The following ECE2 variants were observed in gnomAD, a reference collection of about 807,000 sequenced individuals.
ECE2 encodes the protein endothelin converting enzyme 2.
Under a neutral mutation model 100.6 loss-of-function variants are expected in ECE2, and 81 were observed. That is an observed-to-expected ratio of 0.81 (90% CI 0.67 to 0.97). ECE2 has a LOEUF of 0.97. ECE2 is among the 50% of genes least tolerant of loss of function. The pLI, the probability that ECE2 is intolerant of heterozygous loss-of-function variation, is 0.00. For synonymous variants in ECE2, 391 were observed against 391.5 expected (o/e 1.00, Z 0.02); for missense variants, 911 against 988.1 (o/e 0.92, Z 1.05).
chr3:184,290,031 A>C (rs1457429266), intron 13 of ECE2, among the ~76,000 whole-genome samples: 3 of 152,182 alleles, frequency 2.0e-5, no homozygotes, highest in South Asian at 4.1e-4. Context: ...GGGTCCTACT[A>C]GTGCCTTCCT....
rs2108434150 is a variant in ECE2, at chr3:184,291,160, A to T, written c.1955A>T (p.Glu652Val). 6.2e-7 allele frequency: 1 copy of T among 1,613,874 alleles called. No homozygotes were observed. The highest frequency in any genetic ancestry group is 2.2e-5 in the East Asian group (1 of 44,882). The stretch of plus-strand genomic sequence containing the variant: ...TACAATCAATACCAGGTCAATGGGG[A>T]GAGGCTCAACGGCCGCCAGACGCTG... Reference protein sequence around the residue: ...EQYNQYQVNGERLNGRQTLGE... With the variant: ...EQYNQYQVNGVRLNGRQTLGE... Residue 652 changes from glutamate to valine, a missense_variant, in exon 17 of 19, where the codon GAG becomes GTG. Glu to Val is a moderately radical substitution (Grantham distance 121, BLOSUM62 -2). Transcript: ENST00000404464. This position sits in a 1 kb window ranked among gnomAD's most constrained non-coding sequence, Gnocchi z 4.1.
chr3:184,288,444 T>G (rs1721166977), intron 11 of ECE2, among the ~76,000 whole-genome samples: 1 of 152,186 alleles, frequency 6.6e-6, no homozygotes, highest in Non-Finnish European at 1.5e-5. Flanking sequence ...TATGTTTAAC[T>G]ATATAACTAG....
At position 184,290,122 on chromosome 3, in the gene ECE2, A is replaced by G. The variant is rs547234035; in HGVS notation, c.1552-133A>G. The stretch of plus-strand genomic sequence containing the variant: ...CATAAATGGCCTTTAAATATTGCCA[A>G]TTATGGTTTACTAGATATTTTACAG... On this transcript the variant is annotated intron_variant, in intron 13 of 18. Coordinates refer to ENST00000404464, the MANE Select transcript of ECE2 (RefSeq NM_001100121.2). 25 of 712,912 alleles carry G rather than the reference A, an allele frequency of 3.5e-5. 1 individual carries two copies. The highest frequency in any genetic ancestry group is 3.1e-4 in the Admixed American group (11 of 35,772). 44.2% of individuals were successfully genotyped at this position (712,912 alleles called of 1,614,324 possible). A position where few individuals can be genotyped will look rare whatever the true frequency, so the allele number is the denominator to read the frequency against.
intron 4 of ECE2, 53 bp from the exon 5 acceptor site, chr3:184,277,872 C>G: frequency 6.3e-7 from 1 of 1,598,020 alleles, no homozygotes; most frequent in African/African-American, 1.3e-5. Flanking sequence ...GCCAGGGACT[C>G]CCCCTCAGCA....
Position 184,278,480 on chromosome 3 carries a change from T to C in ECE2, c.751-12T>C. ...AAAGCGAGGGGCTCACCTCCTTTCC[T>C]TGACATTGCAGGTGGACCAGTCTGG... is the stretch of plus-strand genomic sequence containing the variant. On this transcript the variant is annotated splice_polypyrimidine_tract_variant and intron_variant, in intron 6 of 18. Coordinates refer to ENST00000404464, the MANE Select transcript of ECE2 (RefSeq NM_001100121.2). 2 of 1,613,580 alleles carry C rather than the reference T, an allele frequency of 1.2e-6. No individual in the cohort carries two copies. The highest frequency in any genetic ancestry group is 1.7e-6 in the Non-Finnish European group (2 of 1,179,760).
Position 184,283,949 on chromosome 3 carries a change from C to T in ECE2, c.981C>T (p.His327=), listed in dbSNP as rs1258510651. 2 of 1,613,846 alleles carry T rather than the reference C, an allele frequency of 1.2e-6. No homozygotes were observed. The highest frequency in any genetic ancestry group is 1.3e-5 in the African/African-American group (1 of 74,876). The change falls in exon 8 of 19, where the codon CAC becomes CAT. Residue 327 remains histidine (H), a synonymous_variant. Transcript: ENST00000404464. ...GGCGCGACGAGGAGAAGATCTACCA[C>T]AAGATGAGCATTTCGGAGCTGCAGG... ...DQRRDEEKIY[H]KMSISELQAL...
rs200668112 is a variant in ECE2, at chr3:184,291,116, G to A, written c.1911G>A (p.Thr637=). ...CCCTGGCAGCCTTCCGGAACCACAC[G>A]GCCTGCATGGAGGAACAGTACAATC... ...NESLAAFRNH[T]ACMEEQYNQY... The change falls in exon 17 of 19, where the codon ACG becomes ACA. Residue 637 remains threonine (T), a synonymous_variant. Transcript: ENST00000404464. This position sits in a 1 kb window ranked among gnomAD's most constrained non-coding sequence, Gnocchi z 4.1. 43 of 1,610,762 alleles carry A rather than the reference G, an allele frequency of 2.7e-5. No homozygotes were observed. Among genetic ancestry groups the A allele is most frequent in the African/African-American group, 2.4e-4 (18 of 74,982 alleles).
chr3:184,289,341 C>A lies in ECE2; in HGVS notation c.1375-96C>A. 8.8e-7 allele frequency: 1 copy of A among 1,132,516 alleles called. No homozygotes were observed. The highest frequency in any genetic ancestry group is 1.3e-6 in the Non-Finnish European group (1 of 770,084). 70.2% of individuals were successfully genotyped at this position (1,132,516 alleles called of 1,614,324 possible). A position where few individuals can be genotyped will look rare whatever the true frequency, so the allele number is the denominator to read the frequency against. On this transcript the variant is annotated intron_variant, in intron 11 of 18. Transcript: ENST00000404464. This position sits in a 1 kb window ranked among gnomAD's most constrained non-coding sequence, Gnocchi z 4.1. ...TTCTTTAGTCTAGACGTTCCCATTT[C>A]CCCTGGGTGGACAGGGATGGGGCAC...
At chr3:184,280,669 C>G (rs375297291) in intron 7 of ECE2, among the ~76,000 whole-genome samples, 2 of 152,196 alleles carry the variant, frequency 1.3e-5, no homozygotes, top group South Asian at 4.1e-4. Flanking sequence ...ATGGTGAAAC[C>G]CCATCTCTAC....
At chr3:184,281,063 CAGA>C (rs1720798263) in intron 7 of ECE2, among the ~76,000 whole-genome samples, 1 of 151,870 alleles carries the variant, frequency 6.6e-6, no homozygotes, top group African/African-American at 2.4e-5. Context: ...AGAGAAAGGA[CAGA>C]AGGAGATCCT....
At chr3:184,285,373 T>C (rs1687231) in intron 9 of ECE2, 105 bp from the exon 10 acceptor site, 78,062 of 980,714 alleles carry the variant, frequency 0.08, 3,675 homozygotes, top group East Asian at 0.17. Context: ...AGCTTCCACA[T>C]ATGCCTCTCG....
At chr3:184,284,122 T>TG in intron 8 of ECE2, 149 bp downstream of exon 8, 1 of 1,016,020 alleles carries the variant, frequency 9.8e-7, no homozygotes, top group Non-Finnish European at 1.4e-6. Flanking sequence ...GCTGCTGTCC[T>TG]GGGGAAAAAA....
At position 184,276,468 on chromosome 3, in the gene ECE2, G is replaced by C. The variant is rs774342684; in HGVS notation, c.40-13G>C. On this transcript the variant is annotated splice_polypyrimidine_tract_variant and intron_variant, in intron 1 of 18. Coordinates refer to ENST00000404464, the MANE Select transcript of ECE2 (RefSeq NM_001100121.2). ...CTGCCTGACCTCGGTTGGCAACCCC[G>C]ACTGTCTGGCAGATGGTGGAGTACA... 1 of 1,604,426 alleles carries C rather than the reference G, an allele frequency of 6.2e-7. No homozygotes were observed. Among genetic ancestry groups the C allele is most frequent in the Non-Finnish European group, 8.5e-7 (1 of 1,177,336 alleles).
intron 10 of ECE2, among the ~76,000 whole-genome samples, chr3:184,285,911 G>A (rs561771299): frequency 2.0e-4 from 31 of 152,268 alleles, no homozygotes; most frequent in African/African-American, 7.5e-4. Context: ...ATAGGCACTC[G>A]GCTTTGATGA....
chr3:184,276,451 C>T lies in ECE2; in HGVS notation c.40-30C>T, dbSNP rs1198387995. 8 of 1,591,806 alleles carry T rather than the reference C, an allele frequency of 5.0e-6. No homozygotes were observed. The East Asian group carries it at 1.4e-4, about 27-fold the overall frequency. On this transcript the variant is annotated intron_variant, in intron 1 of 18. Coordinates refer to ENST00000404464, the MANE Select transcript of ECE2 (RefSeq NM_001100121.2). ...TGGGCAAATAGCCCTCTCTGCCTGA[C>T]CTCGGTTGGCAACCCCGACTGTCTG...
At chr3:184,283,752 G>T (rs1422286822) in intron 7 of ECE2, 33 bp from the exon 8 acceptor site, 1 of 1,606,256 alleles carries the variant, frequency 6.2e-7, no homozygotes, top group Admixed American at 1.7e-5. Flanking sequence ...AGGACTTGTT[G>T]CTGGGCTCTG....
chr3:184,289,572 TG>T lies in ECE2; in HGVS notation c.1473+41del. The T allele has an allele frequency of 6.2e-7, 1 of 1,613,534 alleles. No individual in the cohort carries two copies. The highest frequency in any genetic ancestry group is 8.5e-7 in the Non-Finnish European group (1 of 1,179,566). On this transcript the variant is annotated intron_variant, in intron 12 of 18. Coordinates refer to ENST00000404464, the MANE Select transcript of ECE2 (RefSeq NM_001100121.2). The surrounding 1 kb of genome is among the most constrained non-coding windows in gnomAD (Gnocchi z 4.1). Reference sequence around the variant, plus strand: ...CTAGGGTTGGGGCGCCATCTTGAGGTGGGGTTCAAGGATACAGTTTTGCTAG... The same window carrying T: ...CTAGGGTTGGGGCGCCATCTTGAGGTGGGTTCAAGGATACAGTTTTGCTAG...
intron 11 of ECE2, among the ~76,000 whole-genome samples, chr3:184,288,335 AAGAAAAG>A (rs1256025204): frequency 5.3e-5 from 8 of 151,000 alleles, no homozygotes; most frequent in Middle Eastern, 6.3e-3. Context: ...AAAAAAAGAA[AAGAAAAG>A]AAAAACAACT....
Position 184,292,654 on chromosome 3 carries a change from T to G in ECE2, c.*416T>G. The G allele has an allele frequency of 1.0e-5, 2 of 198,912 alleles. No individual in the cohort carries two copies. The highest frequency in any genetic ancestry group is 2.1e-5 in the Non-Finnish European group (2 of 95,596). 12.3% of individuals were successfully genotyped at this position (198,912 alleles called of 1,614,324 possible). On this transcript the variant is annotated 3_prime_UTR_variant, in exon 19 of 19. Transcript: ENST00000404464. ...TCCCCAGGCTCACTCAGTGCGCACT[T>G]AGGGGTGGACTCAGCTCTGTCTGGC...
Sources: allele counts gnomAD v4.1 joint callset (sites outside exome capture counted in the v4.1 genomes callset), GRCh38; gene constraint gnomAD v4.1.1; non-coding constraint Gnocchi (gnomAD v3.1); transcripts MANE v1.5; gene names NCBI Gene and HGNC (gene_info 2026-07-23, HGNC 2026-07-21).